The following ASCC2 variants were observed in gnomAD, a reference collection of about 807,000 sequenced individuals.
The protein encoded by ASCC2 is activating signal cointegrator 1 complex subunit 2, also known as ASC-1 complex subunit P100.
ASCC2 carries 42 observed loss-of-function variants against 93.5 expected under a neutral mutation model. The observed-to-expected ratio is 0.45, with a 90% CI of 0.35 to 0.58. ASCC2 has a LOEUF of 0.58. Ranked by LOEUF, ASCC2 falls within the 20% of genes least tolerant of loss-of-function variation. The pLI is 0.00. For synonymous variants in ASCC2, 364 were observed against 384.2 expected (o/e 0.95, Z 0.62); for missense variants, 859 against 977.6 (o/e 0.88, Z 1.62).
intron 12 of ASCC2, 113 bp downstream of exon 12, chr22:29,806,102 AC>A: frequency 8.6e-7 from 1 of 1,160,274 alleles, no homozygotes. Context: ...CAGCTGGCTG[AC>A]CCATGCGTTC....
chr22:29,799,208 T>G (rs1042396981), intron 15 of ASCC2: 1 of 152,260 alleles, frequency 6.6e-6, no homozygotes, highest in Non-Finnish European at 1.5e-5. Context: ...TCAGGCTTCC[T>G]GGATTGGAGC....
chr22:29,809,671 C>T (rs997357785), intron 8 of ASCC2, among the ~76,000 whole-genome samples: 2 of 151,612 alleles, frequency 1.3e-5, no homozygotes, highest in Non-Finnish European at 2.9e-5. Flanking sequence ...CCCAGCTACT[C>T]GGGAGGCTGA....
At chr22:29,790,626 G>A in intron 18 of ASCC2, 78 bp from the exon 19 acceptor site, 1 of 1,457,710 alleles carries the variant, frequency 6.9e-7, no homozygotes, top group Non-Finnish European at 9.6e-7. Flanking sequence ...CCCTGCTCAA[G>A]TGAAGCTTGT....
intron 17 of ASCC2, 56 bp downstream of exon 17, chr22:29,793,304 C>G: frequency 5.0e-6 from 8 of 1,602,804 alleles, no homozygotes; most frequent in Non-Finnish European, 6.8e-6. Context: ...GGTGAGGGAG[C>G]CCCATGGGCC....
Position 29,801,042 on chromosome 22 carries a change from T to C in ASCC2, c.1637A>G (p.Asp546Gly), listed in dbSNP as rs34833047. 8.3e-3 allele frequency: 13,320 copies of C among 1,609,538 alleles called. 78 individuals carry two copies. The highest frequency in any genetic ancestry group is 0.01 in the Middle Eastern group (62 of 6,036). The change falls in exon 15 of 20, where the codon GAT becomes GGT. Residue 546 changes from aspartate to glycine, a missense_variant. Coordinates refer to ENST00000307790, the MANE Select transcript of ASCC2 (RefSeq NM_032204.5). ...RHNVFQNDEF[D>G]VFSRDSVDLS... is the part of the protein sequence containing the mutation. ...GTCTACTGAGTCCCTGCTGAACACA[T>C]CAAACTCGTCATTCTGGAAGACGTT...
At chr22:29,796,088 G>A (rs542729512) in intron 15 of ASCC2, among the ~76,000 whole-genome samples, 9 of 151,952 alleles carry the variant, frequency 5.9e-5, no homozygotes, top group African/African-American at 1.7e-4. Context: ...TCAGCATGGC[G>A]GGCTAGGGTT....
At chr22:29,826,427 C>T (rs571197629) in intron 2 of ASCC2, among the ~76,000 whole-genome samples, 127 of 152,164 alleles carry the variant, frequency 8.3e-4, no homozygotes, top group African/African-American at 2.9e-3. Flanking sequence ...GGTGATCCCC[C>T]ACCTCAGCCT....
At chr22:29,827,587 T>A (rs2062531951) in intron 2 of ASCC2, 1 of 470,786 alleles carries the variant, frequency 2.1e-6, no homozygotes, top group Admixed American at 2.4e-5. Context: ...TATCATGGAG[T>A]TACAGGTACA....
intron 6 of ASCC2, among the ~76,000 whole-genome samples, 165 bp from the exon 7 acceptor site, chr22:29,814,932 T>A (rs1244529354): frequency 1.3e-5 from 2 of 152,108 alleles, no homozygotes; most frequent in African/African-American, 4.8e-5. Flanking sequence ...AAGAGTGAGG[T>A]CAGAGTAAAA....
intron 4 of ASCC2, among the ~76,000 whole-genome samples, chr22:29,824,577 T>C (rs2062041839): frequency 6.6e-6 from 1 of 152,102 alleles, no homozygotes; most frequent in Admixed American, 6.6e-5. Flanking sequence ...ATCACGCCAC[T>C]GCACTCCAGC....
At chr22:29,803,512 T>A (rs992621945) in intron 13 of ASCC2, among the ~76,000 whole-genome samples, 1 of 152,078 alleles carries the variant, frequency 6.6e-6, no homozygotes, top group African/African-American at 2.4e-5. Context: ...GACCAGGCCC[T>A]CCATAAACAG....
intron 1 of ASCC2, among the ~76,000 whole-genome samples, chr22:29,834,815 GC>G (rs2063573909): frequency 6.7e-6 from 1 of 149,748 alleles, no homozygotes; most frequent in African/African-American, 2.5e-5. Context: ...GGCACCTGGG[GC>G]TCTTGTGCCG....
chr22:29,806,123 A>T lies in ASCC2; in HGVS notation c.1160+93T>A. On this transcript the variant is annotated intron_variant, in intron 12 of 19. Transcript: ENST00000307790. Reference sequence around the variant, plus strand: ...GCTGACCCATGCGTTCTGGGGCTAAACCTCTTTCCACTCCTCTGGGTTCCA... The same window carrying T: ...GCTGACCCATGCGTTCTGGGGCTAATCCTCTTTCCACTCCTCTGGGTTCCA... The T allele has an allele frequency of 2.1e-6, 3 of 1,409,044 alleles. No homozygotes were observed. In the Admixed American group the frequency reaches 5.2e-5, roughly 24 times the overall value. The allele number at this position is 1,409,044 out of a possible 1,614,324, so 87.3% of individuals were successfully genotyped here.
At chr22:29,827,097 CAAA>C (rs58520896) in intron 2 of ASCC2, among the ~76,000 whole-genome samples, 1 of 57,202 alleles carries the variant, frequency 1.7e-5, no homozygotes, top group Non-Finnish European at 3.7e-5. Flanking sequence ...GACTCCATCT[CAAA>C]AAAAAAAAAA....
At chr22:29,814,587 G>T in intron 7 of ASCC2, 70 bp downstream of exon 7, 1 of 1,335,982 alleles carries the variant, frequency 7.5e-7, no homozygotes, top group Non-Finnish European at 1.0e-6. Context: ...AATCTTCCCA[G>T]CCTCTGGGTA....
chr22:29,801,066 T>C lies in ASCC2; in HGVS notation c.1613A>G (p.Asn538Ser), dbSNP rs1601878918. The change falls in exon 15 of 20, where the codon AAC becomes AGC. Residue 538 changes from asparagine to serine, a missense_variant. Transcript: ENST00000307790. Reference protein sequence around the residue: ...DPTPLLTSRHNVFQNDEFDVF... With the variant: ...DPTPLLTSRHSVFQNDEFDVF... ...ATCAAACTCGTCATTCTGGAAGACG[T>C]TGTGGCGAGACGTCAGCAGGGGTGT... 2.5e-6 allele frequency: 4 copies of C among 1,609,226 alleles called. No individual in the cohort carries two copies. The highest frequency in any genetic ancestry group is 1.1e-5 in the South Asian group (1 of 90,888).
At chr22:29,834,661 G>C (rs915827132) in intron 1 of ASCC2, 2 of 420,646 alleles carry the variant, frequency 4.8e-6, no homozygotes, top group East Asian at 7.3e-5. Flanking sequence ...TTCTAATCAA[G>C]TTACTGTCTT....
chr22:29,815,231 A>C (rs1295394808), intron 6 of ASCC2: 2 of 171,664 alleles, frequency 1.2e-5, no homozygotes, highest in Non-Finnish European at 2.4e-5. Context: ...CAGGAGTTCA[A>C]GGCTGCAGTG....
chr22:29,788,978 G>T lies in ASCC2; in HGVS notation c.*35C>A, dbSNP rs1454888324. 1.9e-6 allele frequency: 3 copies of T among 1,613,248 alleles called. No individual in the cohort carries two copies. The East Asian group carries it at 6.7e-5, about 36-fold the overall frequency. On this transcript the variant is annotated 3_prime_UTR_variant, in exon 20 of 20. Transcript: ENST00000307790. ...ATGGGAGCACGGCCTGGTGAGTCTGGTGCCGCTGCCTCCCCACTGGCCCTG... is the reference window on the plus strand; with the variant it reads ...ATGGGAGCACGGCCTGGTGAGTCTGTTGCCGCTGCCTCCCCACTGGCCCTG...
Sources: gnomAD v4.1 joint callset for allele counts (sites outside exome capture counted in the v4.1 genomes callset) on GRCh38, gnomAD v4.1.1 for gene constraint, MANE v1.5 for transcripts, NCBI Gene and HGNC (gene_info 2026-07-23, HGNC 2026-07-21) for gene names.